FGD5: variants seen among roughly 807,000 people sequenced by gnomAD.
FGD5 encodes FYVE, RhoGEF and PH domain-containing protein 5.
FGD5 carries 28 observed loss-of-function variants against 133.4 expected under a neutral mutation model. That is an observed-to-expected ratio of 0.21 (90% CI 0.16 to 0.29). The LOEUF (loss-of-function observed/expected upper bound fraction) is 0.29. FGD5 is among the 10% of genes least tolerant of loss of function. The pLI, the probability that FGD5 is intolerant of heterozygous loss-of-function variation, is 1.00. For missense variants in FGD5, 1,858 were observed against 1,895.2 expected, an observed-to-expected ratio of 0.98 and a Z score of 0.36; for synonymous variants, 810 against 776.5, an observed-to-expected ratio of 1.04 and a Z score of -0.72.
At chr3:14,895,100 T>C (rs2038108236) in intron 4 of FGD5, among the ~76,000 whole-genome samples, 1 of 152,224 alleles carries the variant, frequency 6.6e-6, no homozygotes, top group Admixed American at 6.5e-5. Flanking sequence ...TTATATATTT[T>C]GGTTGTTAAT....
At position 14,922,649 on chromosome 3, in the gene FGD5, T is replaced by A; in HGVS notation, c.3807+101T>A. The A allele has an allele frequency of 6.8e-7, 1 of 1,465,052 alleles. No homozygotes were observed. Among genetic ancestry groups the A allele is most frequent in the Non-Finnish European group, 9.1e-7 (1 of 1,096,178 alleles). 90.8% of individuals were successfully genotyped at this position (1,465,052 alleles called of 1,614,324 possible). ...GCTCAGGGATGTCCAGCAGCTACTGTAAGCCCCAGAGTGAGGCATGTTCAC... is the reference window on the plus strand; with the variant it reads ...GCTCAGGGATGTCCAGCAGCTACTGAAAGCCCCAGAGTGAGGCATGTTCAC... On this transcript the variant is annotated intron_variant, in intron 15 of 19. Transcript: ENST00000285046. This position sits in a 1 kb window ranked among gnomAD's most constrained non-coding sequence, Gnocchi z 4.1.
At chr3:14,840,199 C>T (rs2036894969) in intron 1 of FGD5, among the ~76,000 whole-genome samples, 3 of 151,566 alleles carry the variant, frequency 2.0e-5, no homozygotes, top group African/African-American at 2.4e-5. Context: ...ATACAGTGTG[C>T]AGTGGTGCGA....
In FGD5 at chr3:14,900,391, T is replaced by C; in HGVS notation, c.3155-12T>C. 6.2e-7 allele frequency: 1 copy of C among 1,612,930 alleles called. No homozygotes were observed. The highest frequency in any genetic ancestry group is 2.2e-5 in the East Asian group (1 of 44,854). The stretch of plus-strand genomic sequence containing the variant: ...ACCAGTAGCTGACTCCTGGTTCTTA[T>C]CCTGCCAACAGACTATTTAAACAAC... On this transcript the variant is annotated splice_polypyrimidine_tract_variant and intron_variant, in intron 7 of 19. Coordinates refer to ENST00000285046, the MANE Select transcript of FGD5 (RefSeq NM_152536.4).
intron 1 of FGD5, among the ~76,000 whole-genome samples, chr3:14,831,956 G>A (rs1306065704): frequency 6.6e-6 from 1 of 152,190 alleles, no homozygotes; most frequent in African/African-American, 2.4e-5. Context: ...TTGCTAGTCT[G>A]GAACTTCCCA....
chr3:14,870,959 TTCGACCAGACA>T, intron 2 of FGD5, among the ~76,000 whole-genome samples: 1 of 152,354 alleles, frequency 6.6e-6, no homozygotes, highest in African/African-American at 2.4e-5. Flanking sequence ...CACCCAGTTC[TTCGACCAGACA>T]TCATGCAAGA....
chr3:14,895,867 T>C (rs773317757), intron 4 of FGD5, among the ~76,000 whole-genome samples: 3 of 152,046 alleles, frequency 2.0e-5, no homozygotes, highest in Non-Finnish European at 2.9e-5. Flanking sequence ...GCCGACAAGA[T>C]GTTATACTCA....
rs149161503 is a variant in FGD5, at chr3:14,849,921, C to T, written c.2526-14207C>T. Among the ~76,000 whole-genome samples, 592 of 152,104 alleles carry T rather than the reference C, an allele frequency of 3.9e-3. 4 individuals are homozygous for T. The highest frequency in any genetic ancestry group is 5.9e-3 in the Non-Finnish European group (399 of 67,996). Reference sequence around the variant, plus strand: ...TGTTGTTAGTATTGGCTGGCTGTGTCTGTGTGGAAGGGAGGGGTGGGAGAA... The same window carrying T: ...TGTTGTTAGTATTGGCTGGCTGTGTTTGTGTGGAAGGGAGGGGTGGGAGAA... On this transcript the variant is annotated intron_variant, in intron 1 of 19. Coordinates refer to ENST00000285046, the MANE Select transcript of FGD5 (RefSeq NM_152536.4).
At chr3:14,850,632 A>G (rs1025287270) in intron 1 of FGD5, among the ~76,000 whole-genome samples, 1 of 152,222 alleles carries the variant, frequency 6.6e-6, no homozygotes. Flanking sequence ...GGACACAGAA[A>G]TGCATAGCAA....
intron 2 of FGD5, among the ~76,000 whole-genome samples, chr3:14,867,710 G>A (rs1217234784): frequency 6.6e-6 from 1 of 151,974 alleles, no homozygotes; most frequent in Non-Finnish European, 1.5e-5. Context: ...GGTAGGGTGG[G>A]GGTGGGGAGA....
At chr3:14,918,926 T>C (rs2038617727) in intron 13 of FGD5, 93 bp downstream of exon 13, 1 of 1,387,960 alleles carries the variant, frequency 7.2e-7, no homozygotes, top group African/African-American at 1.4e-5. Flanking sequence ...GTTTTTATTT[T>C]GGTATCCTTC....
At chr3:14,927,213 C>T (rs942037802) in intron 18 of FGD5, among the ~76,000 whole-genome samples, 1 of 152,354 alleles carries the variant, frequency 6.6e-6, no homozygotes, top group East Asian at 1.9e-4. Flanking sequence ...CTGCACCCCA[C>T]CCTGAGGGGC....
At chr3:14,880,215 G>T (rs2037798314) in intron 2 of FGD5, among the ~76,000 whole-genome samples, 1 of 152,200 alleles carries the variant, frequency 6.6e-6, no homozygotes, top group Admixed American at 6.5e-5. Flanking sequence ...TTAGCCAGGT[G>T]TGGTGGTACA....
At chr3:14,930,783 C>G (rs1343436706) in intron 18 of FGD5, 1 of 152,098 alleles carries the variant, frequency 6.6e-6, no homozygotes, top group African/African-American at 2.4e-5. Context: ...CTCGAATTCT[C>G]TTTTAATGTT....
chr3:14,897,710 C>G, intron 5 of FGD5, 41 bp downstream of exon 5: 1 of 1,557,158 alleles, frequency 6.4e-7, no homozygotes, highest in Admixed American at 2.1e-5. Context: ...TTTTGTTGCA[C>G]TGGGGGAATG....
Position 14,862,491 on chromosome 3 carries a change from G to A in FGD5, c.2526-1637G>A, listed in dbSNP as rs528378101. Among the ~76,000 whole-genome samples, 88 of 152,256 alleles carry A rather than the reference G, an allele frequency of 5.8e-4. 1 individual carries two copies. Among genetic ancestry groups the A allele is most frequent in the Admixed American group, 2.7e-3 (41 of 15,300 alleles). Reference sequence around the variant, plus strand: ...GGGAGCTGGTGGCCCTTGGCAGCACGGTGACTTGCAGCGGAGGTGGAGGTG... The same window carrying A: ...GGGAGCTGGTGGCCCTTGGCAGCACAGTGACTTGCAGCGGAGGTGGAGGTG... On this transcript the variant is annotated intron_variant, in intron 1 of 19. Transcript: ENST00000285046.
chr3:14,886,007 T>C lies in FGD5; in HGVS notation c.2748+5235T>C, dbSNP rs191462143. Reference sequence around the variant, plus strand: ...GCTAGTAACAAAAACTCAATTACCATGGCTTAAGTAATTTAGAGATTCTTC... The same window carrying C: ...GCTAGTAACAAAAACTCAATTACCACGGCTTAAGTAATTTAGAGATTCTTC... On this transcript the variant is annotated intron_variant, in intron 4 of 19. Transcript: ENST00000285046. 3.9e-5 allele frequency among the ~76,000 whole-genome samples: 6 copies of C among 152,346 alleles called. No homozygotes were observed. In the East Asian group the frequency reaches 1.2e-3, roughly 29 times the overall value.
chr3:14,822,772 CT>C (rs2036528007), intron 1 of FGD5, among the ~76,000 whole-genome samples: 1 of 152,348 alleles, frequency 6.6e-6, no homozygotes, highest in South Asian at 2.1e-4. Context: ...CCCTCTGATT[CT>C]TTTCCCTCAT....
At chr3:14,886,277 C>G (rs931602703) in intron 4 of FGD5, among the ~76,000 whole-genome samples, 3 of 152,186 alleles carry the variant, frequency 2.0e-5, no homozygotes, top group Non-Finnish European at 2.9e-5. Context: ...TCAAACTTCT[C>G]CTTTCATCTC....
chr3:14,909,501 C>A (rs887892488), intron 10 of FGD5, among the ~76,000 whole-genome samples: 1 of 152,206 alleles, frequency 6.6e-6, no homozygotes, highest in Non-Finnish European at 1.5e-5. Context: ...ATGCGCCCAG[C>A]CTTATAACTG....
Sources: gnomAD v4.1 joint callset for allele counts (sites outside exome capture counted in the v4.1 genomes callset) on GRCh38, gnomAD v4.1.1 for gene constraint, Gnocchi (gnomAD v3.1) non-coding constraint, MANE v1.5 for transcripts, NCBI Gene and HGNC (gene_info 2026-07-23, HGNC 2026-07-21) for gene names.